ARID1A: variants seen among roughly 807,000 people sequenced by gnomAD.
The protein encoded by ARID1A is AT-rich interactive domain-containing protein 1A.
A neutral mutation model predicts 212.6 loss-of-function variants in ARID1A; 20 were observed. The observed-to-expected ratio is 0.09, with a 90% confidence interval of 0.07 to 0.14. The LOEUF is 0.14. ARID1A is among the 10% of genes least tolerant of loss of function. The probability of loss-of-function intolerance (pLI) is 1.00; values close to 1 mark genes in which losing one functional copy is unlikely to be tolerated. For synonymous variants in ARID1A, 1,376 were observed against 1,222.1 expected, an observed-to-expected ratio of 1.13 and a Z score of -2.63; for missense variants, 2,587 against 3,059.0, an observed-to-expected ratio of 0.85 and a Z score of 3.64.
chr1:26,697,666 T>C lies in ARID1A; in HGVS notation c.1137+126T>C, dbSNP rs1177570435. 13 of 953,602 alleles carry C rather than the reference T, an allele frequency of 1.4e-5. No individual in the cohort carries two copies. The Admixed American group carries it at 2.2e-4, about 16-fold the overall frequency. The allele number at this position is 953,602 out of a possible 1,614,324, so 59.1% of individuals were successfully genotyped here. A position where few individuals can be genotyped will look rare whatever the true frequency, so the allele number is the denominator to read the frequency against. The stretch of plus-strand genomic sequence containing the variant: ...GGCCCCCACTGCTGGGGAGCTGCCA[T>C]TGTCTGGCTCTTCTCTCTTAAAATG... On this transcript the variant is annotated intron_variant, in intron 1 of 19. Coordinates refer to ENST00000324856, the MANE Select transcript of ARID1A (RefSeq NM_006015.6).
At chr1:26,721,847 C>G (rs1258766888) in intron 1 of ARID1A, among the ~76,000 whole-genome samples, 1 of 152,134 alleles carries the variant, frequency 6.6e-6, no homozygotes, top group Non-Finnish European at 1.5e-5. Context: ...TGGCATGCCT[C>G]TTTTTGGTAG....
In ARID1A at chr1:26,771,288, C is replaced by A. The variant is rs369681127; in HGVS notation, c.3368C>A (p.Ser1123Tyr). ...PPPDIFAAAD[S>Y]KKSQPKIQPP... ...CCAGACATCTTTGCAGCTGCTGATT[C>A]CAAGAAGTCCCAGCCCAAGATCCAG... The change falls in exon 12 of 20, where the codon TCC becomes TAC. Residue 1123 changes from serine (S) to tyrosine (Y), a missense_variant. Physicochemically the swap from Ser to Tyr is moderately radical, Grantham distance 144. Transcript: ENST00000324856. The surrounding 1 kb of genome is among the most constrained non-coding windows in gnomAD (Gnocchi z 5.4). The A allele has an allele frequency of 2.5e-6, 4 of 1,614,140 alleles. No homozygotes were observed. Among genetic ancestry groups the A allele is most frequent in the Non-Finnish European group, 3.4e-6 (4 of 1,180,020 alleles).
At chr1:26,727,264 A>G (rs1275689842) in intron 1 of ARID1A, among the ~76,000 whole-genome samples, 3 of 152,218 alleles carry the variant, frequency 2.0e-5, no homozygotes, top group African/African-American at 4.8e-5. Flanking sequence ...ATGTAATAAT[A>G]CTGTGCAGGA....
At chr1:26,708,495 A>G (rs1357159985) in intron 1 of ARID1A, among the ~76,000 whole-genome samples, 2 of 150,836 alleles carry the variant, frequency 1.3e-5, no homozygotes, top group East Asian at 3.9e-4. Flanking sequence ...TGTGTTGGTC[A>G]GGCTGGTCCT....
chr1:26,732,597 C>T, intron 3 of ARID1A, 79 bp from the exon 4 acceptor site: 3 of 1,167,454 alleles, frequency 2.6e-6, no homozygotes, highest in Admixed American at 1.7e-5. Flanking sequence ...GAGACAGTCC[C>T]ATAACCCTTT....
chr1:26,705,850 TGA>T (rs1369857120), intron 1 of ARID1A, among the ~76,000 whole-genome samples: 1 of 152,226 alleles, frequency 6.6e-6, no homozygotes, highest in African/African-American at 2.4e-5. Context: ...TGGGACAGGT[TGA>T]GTCTATTTCC....
At chr1:26,726,838 T>C (rs1045865032) in intron 1 of ARID1A, among the ~76,000 whole-genome samples, 8 of 152,238 alleles carry the variant, frequency 5.3e-5, no homozygotes, top group Non-Finnish European at 7.3e-5. Context: ...GTGTTAAATC[T>C]TAGGATGCTA....
chr1:26,771,531 GT>G lies in ARID1A; in HGVS notation c.3406+209del, dbSNP rs2081082702. On this transcript the variant is annotated intron_variant, in intron 12 of 19. Transcript: ENST00000324856. The surrounding 1 kb of genome is among the most constrained non-coding windows in gnomAD (Gnocchi z 5.4). ...GGAGGTACTCTACGGCAGCTCTTAA[GT>G]TTTAATTTTTGTTGTGCAGCTGACA... The G allele has an allele frequency of 1.7e-6, 1 of 591,756 alleles. No homozygotes were observed. The highest frequency in any genetic ancestry group is 3.1e-5 in the Admixed American group (1 of 32,024). 36.7% of individuals were successfully genotyped at this position (591,756 alleles called of 1,614,324 possible). A position where few individuals can be genotyped will look rare whatever the true frequency, so the allele number is the denominator to read the frequency against.
intron 1 of ARID1A, among the ~76,000 whole-genome samples, chr1:26,728,273 A>G (rs1387616267): frequency 6.6e-6 from 1 of 152,170 alleles, no homozygotes; most frequent in African/African-American, 2.4e-5. Flanking sequence ...TGATATTAAG[A>G]AGAACAGCCT....
chr1:26,731,702 C>T (rs1474307191), intron 3 of ARID1A, 98 bp downstream of exon 3: 17 of 1,348,626 alleles, frequency 1.3e-5, no homozygotes, highest in East Asian at 9.3e-5. Context: ...GGTTCTCTAA[C>T]GTGCACTTAA....
intron 4 of ARID1A, among the ~76,000 whole-genome samples, chr1:26,757,469 CAAAAAAA>C (rs753801327): frequency 7.9e-5 from 5 of 63,632 alleles, no homozygotes; most frequent in Admixed American, 3.3e-4. Flanking sequence ...GACTCCGTCT[CAAAAAAA>C]AAAAAAAAAG....
At chr1:26,725,710 G>A (rs997330261) in intron 1 of ARID1A, among the ~76,000 whole-genome samples, 1 of 152,008 alleles carries the variant, frequency 6.6e-6, no homozygotes, top group Non-Finnish European at 1.5e-5. Context: ...ACCCTTTATA[G>A]CCCCCATGTA....
intron 4 of ARID1A, among the ~76,000 whole-genome samples, chr1:26,736,050 C>T (rs1421061042): frequency 5.3e-5 from 8 of 152,194 alleles, no homozygotes; most frequent in African/African-American, 1.2e-4. Context: ...AAAGGCCGGG[C>T]GTGGTGGCTC....
In ARID1A at chr1:26,731,251, C is replaced by A. The variant is rs1189548389; in HGVS notation, c.1450C>A (p.Pro484Thr). 1 of 1,613,932 alleles carries A rather than the reference C, an allele frequency of 6.2e-7. No homozygotes were observed. The highest frequency in any genetic ancestry group is 8.5e-7 in the Non-Finnish European group (1 of 1,179,980). ...QSPHPQQQQP[P>T]YSQQPPSQTP... ...TCCTCACCCTCAGCAGCAGCAGCCA[C>A]CCTACTCCCAGCAACCACCGTCCCA... Residue 484 changes from proline to threonine, a missense_variant, in exon 3 of 20, where the codon CCC becomes ACC. Around this residue, in one of 11 missense-constraint regions of ARID1A, gnomAD observed 674 missense variants for 813.4 expected, o/e 0.83. Transcript: ENST00000324856.
intron 4 of ARID1A, among the ~76,000 whole-genome samples, chr1:26,752,466 G>A (rs1211451002): frequency 6.6e-6 from 1 of 152,234 alleles, no homozygotes; most frequent in East Asian, 1.9e-4. Flanking sequence ...CAAGTGTTCA[G>A]TAGAGGTAGT....
chr1:26,762,257 G>GCTC lies in ARID1A; in HGVS notation c.2360_2362dup (p.Ser787dup). The GCTC allele has an allele frequency of 6.2e-7, 1 of 1,614,176 alleles. No homozygotes were observed. On this transcript the variant is annotated inframe_insertion, in exon 7 of 20. Transcript: ENST00000324856. ...GGAGGACAGATACACACAGGCATGG[G>GCTC]CTCCTACCAGCAGAACTCCATGGGG...
intron 10 of ARID1A, 28 bp from the exon 11 acceptor site, chr1:26,767,762 C>T: frequency 6.4e-7 from 1 of 1,574,210 alleles, no homozygotes; most frequent in Non-Finnish European, 8.7e-7. Flanking sequence ...CTGACCCATT[C>T]CTATGAATTT....
chr1:26,744,484 C>G lies in ARID1A; in HGVS notation c.1920+11692C>G, dbSNP rs536342266. Among the ~76,000 whole-genome samples, 11 of 152,260 alleles carry G rather than the reference C, an allele frequency of 7.2e-5. 1 individual carries two copies. In the South Asian group the frequency reaches 2.3e-3, roughly 32 times the overall value. On this transcript the variant is annotated intron_variant, in intron 4 of 19. Coordinates refer to ENST00000324856, the MANE Select transcript of ARID1A (RefSeq NM_006015.6). Reference sequence around the variant, plus strand: ...AGGTCTGGCTGGAAGTACCTCTTCCCCATTAAGCACACCGTTTGAATTTTA... The same window carrying G: ...AGGTCTGGCTGGAAGTACCTCTTCCGCATTAAGCACACCGTTTGAATTTTA...
chr1:26,760,877 G>A lies in ARID1A; in HGVS notation c.1942G>A (p.Asp648Asn), dbSNP rs752331536. The change falls in exon 5 of 20, where the codon GAC becomes AAC. Residue 648 changes from aspartate to asparagine, a missense_variant. Physicochemically the swap from Asp to Asn is conservative, Grantham distance 23. Around this residue, in one of 11 missense-constraint regions of ARID1A, gnomAD observed 674 missense variants for 813.4 expected, o/e 0.83. Transcript: ENST00000324856. ...SLPDLSGSID[D>N]LPMGTEGALS... is the part of the protein sequence containing the mutation. ...CTAGGATCTATCTGGTTCAATAGAT[G>A]ACCTCCCCATGGGGACAGAAGGAGC... 1.9e-6 allele frequency: 3 copies of A among 1,612,990 alleles called. No homozygotes were observed. The highest frequency in any genetic ancestry group is 2.5e-6 in the Non-Finnish European group (3 of 1,179,320).
Sources: gnomAD v4.1 joint callset for allele counts (sites outside exome capture counted in the v4.1 genomes callset) on GRCh38, gnomAD v4.1.1 for gene constraint, gnomAD v4.1.1 regional missense constraint, Gnocchi (gnomAD v3.1) non-coding constraint, MANE v1.5 for transcripts, NCBI Gene and HGNC (gene_info 2026-07-23, HGNC 2026-07-21) for gene names.